Variants in DNAH12 observed in about 807,000 individuals in gnomAD.
DNAH12 encodes axonemal beta dynein heavy chain 12.
A neutral mutation model predicts 371.5 loss-of-function variants in DNAH12; 285 were observed. That is an observed-to-expected ratio of 0.77 (90% CI 0.70 to 0.85). DNAH12 has a LOEUF of 0.85. Among genes scored for constraint, DNAH12 ranks in the 40% least tolerant of loss-of-function variants. DNAH12 has a pLI of 0.00. For synonymous variants in DNAH12, 1,200 were observed against 1,213.0 expected, an observed-to-expected ratio of 0.99 and a Z score of 0.22; for missense variants, 3,611 against 3,689.4, an observed-to-expected ratio of 0.98 and a Z score of 0.55.
chr3:57,526,527 CTTTTTTT>C (rs759097908), intron 2 of DNAH12, among the ~76,000 whole-genome samples: 1 of 121,246 alleles, frequency 8.2e-6, no homozygotes, highest in East Asian at 2.5e-4. Context: ...GTTTCCAGAT[CTTTTTTT>C]TTTTTTTTTT....
At chr3:57,354,796 A>G (rs1326735113) in intron 59 of DNAH12, among the ~76,000 whole-genome samples, 2 of 152,156 alleles carry the variant, frequency 1.3e-5, no homozygotes, top group Non-Finnish European at 2.9e-5. Flanking sequence ...AGCCATCAAA[A>G]AGAGCCAAAT....
At chr3:57,421,767 C>T in intron 35 of DNAH12, 61 bp from the exon 36 acceptor site, 11 of 1,533,250 alleles carry the variant, frequency 7.2e-6, no homozygotes, top group Non-Finnish European at 9.7e-6. Flanking sequence ...TTAGGAGAAA[C>T]ATTAACCAAA....
At chr3:57,528,718 C>T (rs1438525759) in intron 2 of DNAH12, among the ~76,000 whole-genome samples, 1 of 148,762 alleles carries the variant, frequency 6.7e-6, no homozygotes, top group African/African-American at 2.5e-5. Context: ...AAGAGCTAAA[C>T]TCTGTCTCAA....
At chr3:57,396,108 A>C (rs1259156851) in intron 43 of DNAH12, among the ~76,000 whole-genome samples, 1 of 151,616 alleles carries the variant, frequency 6.6e-6, no homozygotes, top group African/African-American at 2.4e-5. Flanking sequence ...GAGAAACCCT[A>C]TCTCTACGAA....
In DNAH12 at chr3:57,317,542, C is replaced by A. The variant is rs115923028; in HGVS notation, c.10525-2911G>T. Among the ~76,000 whole-genome samples, 179 of 152,232 alleles carry A rather than the reference C, an allele frequency of 1.2e-3. 1 individual carries two copies. Among genetic ancestry groups the A allele is most frequent in the Non-Finnish European group, 1.4e-3 (94 of 67,996 alleles). ...GTTTTATCCATGTTGTCATATATGG[C>A]AGTATTTTCTTCTTTTTAAGGCTGA... On this transcript the variant is annotated intron_variant, in intron 65 of 73. Transcript: ENST00000495027.
chr3:57,377,816 A>G (rs1047976617), intron 52 of DNAH12, among the ~76,000 whole-genome samples: 1 of 152,186 alleles, frequency 6.6e-6, no homozygotes, highest in Non-Finnish European at 1.5e-5. Context: ...TGTTATGCTC[A>G]TCAGGCTATC....
At chr3:57,356,963 G>C (rs927600300) in intron 59 of DNAH12, among the ~76,000 whole-genome samples, 9 of 151,774 alleles carry the variant, frequency 5.9e-5, no homozygotes, top group African/African-American at 2.2e-4. Context: ...GGCTGGTCTC[G>C]AACTCCTGAC....
chr3:57,429,872 T>C lies in DNAH12; in HGVS notation c.4981-98A>G, dbSNP rs1393216261. The C allele has an allele frequency of 4.0e-6, 4 of 987,682 alleles. No homozygotes were observed. The East Asian group carries it at 1.2e-4, about 29-fold the overall frequency. 61.2% of individuals were successfully genotyped at this position (987,682 alleles called of 1,614,324 possible). On this transcript the variant is annotated intron_variant, in intron 32 of 73. Coordinates refer to ENST00000495027, the MANE Select transcript of DNAH12 (RefSeq NM_001366028.2). ...ATAAAATAAAGTAGCTCCTGTGATA[T>C]AATGGAATAAGAATTAGAATGGAAG...
intron 60 of DNAH12, among the ~76,000 whole-genome samples, chr3:57,350,189 C>T (rs2062638281): frequency 6.6e-6 from 1 of 152,108 alleles, no homozygotes; most frequent in Non-Finnish European, 1.5e-5. Context: ...ACAGTGTACA[C>T]TGCTCTGGTG....
chr3:57,410,839 A>G (rs1340911776), intron 39 of DNAH12, among the ~76,000 whole-genome samples: 2 of 151,826 alleles, frequency 1.3e-5, no homozygotes, highest in African/African-American at 4.8e-5. Context: ...AAAGCCAAAA[A>G]CGTCCTAGTA....
intron 62 of DNAH12, among the ~76,000 whole-genome samples, chr3:57,331,662 G>A (rs2062099357): frequency 6.6e-6 from 1 of 152,118 alleles, no homozygotes; most frequent in Admixed American, 6.5e-5. Flanking sequence ...GAAACGAAGG[G>A]ACTATTGCAA....
chr3:57,392,261 T>G (rs2063640202), intron 44 of DNAH12, among the ~76,000 whole-genome samples, 195 bp from the exon 45 acceptor site: 4 of 152,160 alleles, frequency 2.6e-5, no homozygotes, highest in Middle Eastern at 3.2e-3. Context: ...TTCTATAATT[T>G]AAAAACAAGT....
chr3:57,452,845 A>G lies in DNAH12; in HGVS notation c.3784T>C (p.Leu1262=), dbSNP rs187309173. The G allele has an allele frequency of 2.9e-5, 45 of 1,541,638 alleles. No homozygotes were observed. The African/African-American group carries it at 5.0e-4, about 17-fold the overall frequency. ...TPLTDRCYRT[L]IGAFYLNLGG... ...ATTAAGATAATTTAAATGCATACCA[A>G]TGTTCTGTAACACCTGTCAGTTAGA... The change falls in exon 25 of 74, where the codon TTG becomes CTG. Residue 1262 remains leucine, a splice_region_variant and synonymous_variant. Coordinates refer to ENST00000495027, the MANE Select transcript of DNAH12 (RefSeq NM_001366028.2).
chr3:57,445,158 TA>T lies in DNAH12; in HGVS notation c.4425+15del, dbSNP rs1254943437. 2.0e-6 allele frequency: 3 copies of T among 1,512,716 alleles called. No homozygotes were observed. In the African/African-American group the frequency reaches 4.2e-5, roughly 21 times the overall value. The allele number at this position is 1,512,716 out of a possible 1,614,324, so 93.7% of individuals were successfully genotyped here. On this transcript the variant is annotated intron_variant, in intron 28 of 73. Transcript: ENST00000495027. The stretch of plus-strand genomic sequence containing the variant: ...TTTCTACTGAAACTTTCCCAATGTG[TA>T]TATTTAATACTTACAAGTATATCTT...
At chr3:57,439,094 T>C (rs2065224353) in intron 29 of DNAH12, among the ~76,000 whole-genome samples, 1 of 151,992 alleles carries the variant, frequency 6.6e-6, no homozygotes, top group South Asian at 2.1e-4. Flanking sequence ...TGCTCATGGA[T>C]TGGAAGAATG....
At chr3:57,360,185 G>A (rs1351786826) in intron 58 of DNAH12, among the ~76,000 whole-genome samples, 2 of 152,150 alleles carry the variant, frequency 1.3e-5, no homozygotes, top group African/African-American at 4.8e-5. Flanking sequence ...TATTGGGAAA[G>A]GAGACACTAC....
At chr3:57,326,124 GA>G (rs1278514558) in intron 62 of DNAH12, among the ~76,000 whole-genome samples, 5 of 152,040 alleles carry the variant, frequency 3.3e-5, no homozygotes, top group Admixed American at 3.3e-4. Context: ...AACCAAGTTG[GA>G]AAACACTCTG....
At chr3:57,464,865 T>C (rs1295988286) in intron 17 of DNAH12, among the ~76,000 whole-genome samples, 2 of 152,214 alleles carry the variant, frequency 1.3e-5, no homozygotes, top group South Asian at 2.1e-4. Context: ...ACAAAATCAA[T>C]GACTTAGAAG....
intron 11 of DNAH12, among the ~76,000 whole-genome samples, chr3:57,496,050 T>G (rs2067309298): frequency 6.6e-6 from 1 of 150,540 alleles, no homozygotes; most frequent in South Asian, 2.1e-4. Context: ...AGAATGTTCA[T>G]CAAGAAAACA....
Sources: allele counts gnomAD v4.1 joint callset (sites outside exome capture counted in the v4.1 genomes callset), GRCh38; gene constraint gnomAD v4.1.1; transcripts MANE v1.5; gene names NCBI Gene and HGNC (gene_info 2026-07-23, HGNC 2026-07-21).